PIWIL2: variants seen among roughly 807,000 people sequenced by gnomAD.
The protein encoded by PIWIL2 is piwi-like protein 2.
Under a neutral mutation model 116.5 loss-of-function variants are expected in PIWIL2, and 81 were observed. That is an observed-to-expected ratio of 0.70 (90% CI 0.58 to 0.84). The LOEUF (loss-of-function observed/expected upper bound fraction) is 0.84. Ranked by LOEUF, PIWIL2 falls within the 40% of genes least tolerant of loss-of-function variation. The pLI is 0.00. For missense variants in PIWIL2, 1,272 were observed against 1,212.3 expected, an observed-to-expected ratio of 1.05 and a Z score of -0.73; for synonymous variants, 489 against 429.5, an observed-to-expected ratio of 1.14 and a Z score of -1.71.
chr8:22,324,226 C>T (rs528855203), intron 20 of PIWIL2, among the ~76,000 whole-genome samples: 56 of 152,158 alleles, frequency 3.7e-4, no homozygotes, highest in Non-Finnish European at 5.6e-4. Context: ...CACGCCACTG[C>T]GCTCCAGTCT....
intron 20 of PIWIL2, among the ~76,000 whole-genome samples, chr8:22,339,103 G>A (rs564426939): frequency 6.6e-5 from 10 of 152,118 alleles, no homozygotes; most frequent in Non-Finnish European, 1.2e-4. Flanking sequence ...TCAAGAAATG[G>A]TACTGGGACT....
At chr8:22,330,574 G>A (rs1302583289) in intron 20 of PIWIL2, among the ~76,000 whole-genome samples, 1 of 151,710 alleles carries the variant, frequency 6.6e-6, no homozygotes, top group African/African-American at 2.4e-5. Context: ...GCGGGCACCT[G>A]TAATCCCAGC....
intron 10 of PIWIL2, among the ~76,000 whole-genome samples, chr8:22,299,897 A>G (rs1471632759): frequency 6.6e-6 from 1 of 151,954 alleles, no homozygotes; most frequent in Non-Finnish European, 1.5e-5. Context: ...ATATACATGG[A>G]ATCGCTATGT....
intron 20 of PIWIL2, among the ~76,000 whole-genome samples, chr8:22,324,474 G>A (rs894996910): frequency 6.6e-6 from 1 of 152,062 alleles, no homozygotes; most frequent in Non-Finnish European, 1.5e-5. Flanking sequence ...ATATAGAGCA[G>A]TGTTACACAG....
intron 1 of PIWIL2, among the ~76,000 whole-genome samples, chr8:22,276,508 G>C (rs1222578789): frequency 1.3e-5 from 2 of 152,110 alleles, no homozygotes; most frequent in African/African-American, 2.4e-5. Context: ...TAGAGATGAG[G>C]GTTCACCATT....
chr8:22,282,371 A>G (rs1830530031), intron 4 of PIWIL2, among the ~76,000 whole-genome samples: 1 of 145,608 alleles, frequency 6.9e-6, no homozygotes. Context: ...TATTTTTAGT[A>G]GAGACGGGGT....
intron 20 of PIWIL2, among the ~76,000 whole-genome samples, chr8:22,342,079 A>G (rs143195783): frequency 4.6e-5 from 7 of 152,300 alleles, no homozygotes; most frequent in African/African-American, 1.7e-4. Flanking sequence ...GCAGAAAAAA[A>G]TGGAGTACTT....
intron 10 of PIWIL2, among the ~76,000 whole-genome samples, chr8:22,293,590 G>T (rs958638115): frequency 6.6e-6 from 1 of 152,180 alleles, no homozygotes; most frequent in Non-Finnish European, 1.5e-5. Flanking sequence ...TTCCCAAAGT[G>T]CTGGGATTAC....
intron 20 of PIWIL2, among the ~76,000 whole-genome samples, chr8:22,338,753 T>C (rs1442583962): frequency 6.6e-6 from 1 of 152,136 alleles, no homozygotes; most frequent in East Asian, 1.9e-4. Flanking sequence ...CAGAAAACAA[T>C]GGAGTACTTT....
chr8:22,280,197 CTTG>C (rs989919466), intron 2 of PIWIL2, among the ~76,000 whole-genome samples: 4 of 152,124 alleles, frequency 2.6e-5, no homozygotes, highest in Non-Finnish European at 4.4e-5. Context: ...GGTACAATCT[CTTG>C]TTGTTTTCTG....
At chr8:22,326,123 A>C (rs10088135) in intron 20 of PIWIL2, among the ~76,000 whole-genome samples, 2,129 of 152,242 alleles carry the variant, frequency 0.014, 67 homozygotes, top group African/African-American at 0.047. Flanking sequence ...AAGCAAGGAA[A>C]CTGGGATATC....
Position 22,310,397 on chromosome 8 carries a change from C to T in PIWIL2, c.1800+323C>T, listed in dbSNP as rs149675260. Among the ~76,000 whole-genome samples the T allele has an allele frequency of 2.4e-3, 363 of 152,066 alleles. 2 individuals are homozygous for T. Among genetic ancestry groups the T allele is most frequent in the Non-Finnish European group, 4.6e-3 (311 of 67,994 alleles). On this transcript the variant is annotated intron_variant, in intron 15 of 22. Coordinates refer to ENST00000356766, the MANE Select transcript of PIWIL2 (RefSeq NM_018068.5). ...GGAGTATCTAGAGGGTATTTGTATC[C>T]GTGAAAGAAGTTAGATTAAAACAGT...
chr8:22,318,311 TTTTG>T (rs781749733), intron 20 of PIWIL2, 36 bp downstream of exon 20: 9 of 1,236,504 alleles, frequency 7.3e-6, no homozygotes, highest in African/African-American at 3.1e-5. Flanking sequence ...TTCTGGGGTT[TTTTG>T]TTTTTTTATT....
At chr8:22,306,083 A>C in intron 13 of PIWIL2, 67 bp downstream of exon 13, 2 of 1,121,952 alleles carry the variant, frequency 1.8e-6, no homozygotes, top group Non-Finnish European at 2.7e-6. Flanking sequence ...TAACAGTTTG[A>C]GTTAGAACCG....
At chr8:22,311,869 G>T (rs1470538347) in intron 16 of PIWIL2, among the ~76,000 whole-genome samples, 1 of 152,216 alleles carries the variant, frequency 6.6e-6, no homozygotes, top group East Asian at 1.9e-4. Flanking sequence ...GAAGTAATTA[G>T]CCCTTGAATT....
At chr8:22,303,496 G>A (rs933746902) in intron 10 of PIWIL2, among the ~76,000 whole-genome samples, 20 of 152,092 alleles carry the variant, frequency 1.3e-4, no homozygotes, top group Admixed American at 9.8e-4. Context: ...GGTTCAAGCC[G>A]TCTTCCCACC....
At chr8:22,304,899 G>C (rs368390242) in intron 12 of PIWIL2, 31 bp downstream of exon 12, 1 of 1,424,848 alleles carries the variant, frequency 7.0e-7, no homozygotes, top group South Asian at 1.1e-5. Context: ...TACAATTCCA[G>C]CTTAAGTTCT....
intron 20 of PIWIL2, among the ~76,000 whole-genome samples, chr8:22,349,295 C>T (rs1294021013): frequency 2.0e-5 from 3 of 151,120 alleles, no homozygotes; most frequent in Non-Finnish European, 4.4e-5. Flanking sequence ...GCGTGAGCCA[C>T]ACTGCACCCG....
At chr8:22,331,406 G>A (rs553261054) in intron 20 of PIWIL2, among the ~76,000 whole-genome samples, 18 of 150,354 alleles carry the variant, frequency 1.2e-4, no homozygotes, top group African/African-American at 2.0e-4. Context: ...TCTAAAGCCC[G>A]AGGAGTTCAA....
Sources: gnomAD v4.1 joint callset for allele counts (sites outside exome capture counted in the v4.1 genomes callset) on GRCh38, gnomAD v4.1.1 for gene constraint, MANE v1.5 for transcripts, NCBI Gene and HGNC (gene_info 2026-07-23, HGNC 2026-07-21) for gene names.